HSPD1: variants seen among roughly 807,000 people sequenced by gnomAD.
The protein encoded by HSPD1 is 60 kDa heat shock protein, mitochondrial.
In HSPD1, 3 loss-of-function variants were observed where a neutral mutation model predicts 53.0. That is an observed-to-expected ratio of 0.06 (90% CI 0.03 to 0.15). The LOEUF is 0.15. Ranked by LOEUF, HSPD1 falls within the 10% of genes least tolerant of loss-of-function variation. The probability of loss-of-function intolerance (pLI) is 1.00; values close to 1 mark genes in which losing one functional copy is unlikely to be tolerated. For missense variants in HSPD1, 431 were observed against 694.1 expected (o/e 0.62, Z 4.26); for synonymous variants, 200 against 228.0 (o/e 0.88, Z 1.10).
chr2:197,493,288 G>A (rs376508262), intron 7 of HSPD1, 36 bp downstream of exon 7: 32 of 1,566,318 alleles, frequency 2.0e-5, no homozygotes, highest in African/African-American at 5.4e-5. Context: ...GTCTTTCACC[G>A]AGAAATATAA....
rs181933905 is a variant in HSPD1, at chr2:197,491,335, T to C, written c.870-1039A>G. Among the ~76,000 whole-genome samples, 78 of 152,026 alleles carry C rather than the reference T, an allele frequency of 5.1e-4. 2 individuals carry two copies. In the South Asian group the frequency reaches 8.5e-3, roughly 17 times the overall value. ...GCCACCACGCCCAGCTAATTTTTTGTATTTTTAGTAGAGACGGGGTTTCAC... is the reference window on the plus strand; with the variant it reads ...GCCACCACGCCCAGCTAATTTTTTGCATTTTTAGTAGAGACGGGGTTTCAC... On this transcript the variant is annotated intron_variant, in intron 7 of 11. Transcript: ENST00000388968.
At chr2:197,498,420 C>G (rs2086187942) in intron 2 of HSPD1, among the ~76,000 whole-genome samples, 1 of 152,126 alleles carries the variant, frequency 6.6e-6, no homozygotes, top group Non-Finnish European at 1.5e-5. Context: ...TTTAAGAATC[C>G]ACCTTGAGCT....
At chr2:197,487,317 C>T (rs1257783541) in intron 11 of HSPD1, 119 bp from the exon 12 acceptor site, 3 of 852,876 alleles carry the variant, frequency 3.5e-6, no homozygotes, top group Non-Finnish European at 5.8e-6. Context: ...GAGGCTGAGG[C>T]AGGTAGATGA....
chr2:197,489,410 CTT>C (rs2086064031), intron 8 of HSPD1, among the ~76,000 whole-genome samples, 163 bp from the exon 9 acceptor site: 4 of 152,210 alleles, frequency 2.6e-5, no homozygotes, highest in Non-Finnish European at 5.9e-5. Context: ...AGTATAGTCT[CTT>C]TCACTGCATT....
chr2:197,489,952 A>C (rs1035866961), intron 8 of HSPD1, among the ~76,000 whole-genome samples: 23 of 152,092 alleles, frequency 1.5e-4, no homozygotes, highest in Admixed American at 1.5e-3. Flanking sequence ...ACTGTCTCCA[A>C]AAAAAACAAA....
intron 3 of HSPD1, 102 bp from the exon 4 acceptor site, chr2:197,495,478 TAAA>T: frequency 4.0e-6 from 3 of 758,646 alleles, no homozygotes; most frequent in Non-Finnish European, 6.5e-6. Context: ...TGCCTTAACT[TAAA>T]AAAAAAAATT....
rs773093258 is a variant in HSPD1 at position 197,487,999 on chromosome 2, T to G, written c.1428A>C (p.Ala476=). 6.2e-7 allele frequency: 1 copy of G among 1,612,274 alleles called. No homozygotes were observed. The highest frequency in any genetic ancestry group is 1.7e-4 in the Middle Eastern group (1 of 6,044). ...EIIKRTLKIP[A]MTIAKNAGVE... ...CACCTGCATTCTTAGCAATGGTCAT[T>G]GCTGGAATTTTGAGTGTTCTTTTAA... The change falls in exon 11 of 12, where the codon GCA becomes GCC. Residue 476 remains alanine, a synonymous_variant. Transcript: ENST00000388968.
Position 197,495,046 on chromosome 2 carries a change from A to T in HSPD1, c.510+248T>A, listed in dbSNP as rs1322324312. On this transcript the variant is annotated intron_variant, in intron 4 of 11. Coordinates refer to ENST00000388968, the MANE Select transcript of HSPD1 (RefSeq NM_002156.5). ...TTATGCACCTTTGACAATGGCTAAG[A>T]ACATTTTCACAATCATATGAATCCA... is the stretch of plus-strand genomic sequence containing the variant. 4.8e-5 allele frequency: 29 copies of T among 599,596 alleles called. No homozygotes were observed. The East Asian group carries it at 7.5e-4, about 16-fold the overall frequency. 37.1% of individuals were successfully genotyped at this position (599,596 alleles called of 1,614,324 possible).
Position 197,497,183 on chromosome 2 carries a change from G to A in HSPD1, c.384C>T (p.Phe128=), listed in dbSNP as rs762474761. 1.2e-4 allele frequency: 201 copies of A among 1,613,918 alleles called. No individual in the cohort carries two copies. The Admixed American group carries it at 2.0e-3, about 16-fold the overall frequency. The stretch of plus-strand genomic sequence containing the variant: ...GATTAGCACCTTTGCTAATCTTCTC[G>A]AAGCCTTCCTTGGCTATAGAGCGTG... ...VLARSIAKEG[F]EKISKGANPV... Residue 128 remains phenylalanine, a synonymous_variant, in exon 3 of 12, where the codon TTC becomes TTT. Transcript: ENST00000388968.
At chr2:197,500,108 A>T, upstream of HSPD1, 3 of 425,946 alleles carry the variant, frequency 7.0e-6, no homozygotes, top group Non-Finnish European at 1.3e-5. Context: ...CCTACGGCTC[A>T]AGGGTCAAAT....
intron 3 of HSPD1, among the ~76,000 whole-genome samples, chr2:197,496,089 T>C (rs1333658907): frequency 3.9e-5 from 6 of 152,348 alleles, no homozygotes; most frequent in East Asian, 1.9e-4. Context: ...TCTTAAATGA[T>C]AGGAATCTGT....
chr2:197,490,467 G>C, intron 7 of HSPD1, 171 bp from the exon 8 acceptor site: 1 of 621,876 alleles, frequency 1.6e-6, no homozygotes, highest in Non-Finnish European at 2.9e-6. Flanking sequence ...ATTAAGACAG[G>C]AAGTATCTGA....
chr2:197,498,824 G>A lies in HSPD1; in HGVS notation c.25C>T (p.Arg9Cys). The A allele has an allele frequency of 2.5e-6, 4 of 1,614,186 alleles. No homozygotes were observed. The highest frequency in any genetic ancestry group is 1.3e-5 in the African/African-American group (1 of 75,046). The part of the protein sequence containing the change: MLRLPTVF[R>C]QMRPVSRVLA... ...ACCCTGGACACCGGTCTCATCTGGC[G>A]AAAGACTGTGGGTAACCGAAGCATT... Residue 9 changes from arginine (R) to cysteine (C), a missense_variant, in exon 2 of 12, where the codon CGC becomes TGC. Coordinates refer to ENST00000388968, the MANE Select transcript of HSPD1 (RefSeq NM_002156.5).
rs879486164 is a variant in HSPD1, at chr2:197,487,055, GCCACCTCCCATA to G, written c.1701_1712del (p.Met568_Gly571del). On this transcript the variant is annotated inframe_deletion, in exon 12 of 12. Transcript: ENST00000388968. ...AGCACTAGTCTAGGAGTTAGAACAT[GCCACCTCCCATA>G]CCACCTCCCATTCCACCCATTGCAC... 31 of 1,462,606 alleles carry G rather than the reference GCCACCTCCCATA, an allele frequency of 2.1e-5. No individual in the cohort carries two copies. Among genetic ancestry groups the G allele is most frequent in the Middle Eastern group, 3.5e-4 (2 of 5,676 alleles). The allele number at this position is 1,462,606 out of a possible 1,614,324, so 90.6% of individuals were successfully genotyped here. A position where few individuals can be genotyped will look rare whatever the true frequency, so the allele number is the denominator to read the frequency against.
At chr2:197,489,695 A>G (rs569072455) in intron 8 of HSPD1, among the ~76,000 whole-genome samples, 47 of 152,214 alleles carry the variant, frequency 3.1e-4, no homozygotes, top group Non-Finnish European at 5.1e-4. Flanking sequence ...CGTCATTACT[A>G]AAAGTAAAAA....
rs144973515 is a variant in HSPD1 at position 197,498,786 on chromosome 2, A to G, written c.63T>C (p.His21=). 2.5e-6 allele frequency: 4 copies of G among 1,614,078 alleles called. No individual in the cohort carries two copies. Among genetic ancestry groups the G allele is most frequent in the Non-Finnish European group, 3.4e-6 (4 of 1,180,038 alleles). The stretch of plus-strand genomic sequence containing the variant: ...CATCTTTGGCATAAGCCCGAGTGAG[A>G]TGAGGAGCCAGTACCCTGGACACCG... The part of the protein sequence containing the change: ...MRPVSRVLAP[H]LTRAYAKDVK... The change falls in exon 2 of 12, where the codon CAT becomes CAC. Residue 21 remains histidine, a synonymous_variant. Coordinates refer to ENST00000388968, the MANE Select transcript of HSPD1 (RefSeq NM_002156.5).
At chr2:197,500,102 C>T (rs2086228148), upstream of HSPD1, 3 of 393,832 alleles carry the variant, frequency 7.6e-6, no homozygotes, top group South Asian at 6.5e-5. Flanking sequence ...GCGCTCCCTA[C>T]GGCTCAAGGG....
intron 7 of HSPD1, 111 bp from the exon 8 acceptor site, chr2:197,490,407 G>GA: frequency 1.4e-6 from 1 of 713,338 alleles, no homozygotes; most frequent in Non-Finnish European, 2.2e-6. Context: ...ATCTGGTTTG[G>GA]TTTTTGTGTT....
intron 2 of HSPD1, 141 bp downstream of exon 2, chr2:197,498,534 C>A (rs970482977): frequency 1.3e-6 from 1 of 799,578 alleles, no homozygotes; most frequent in South Asian, 1.6e-5. Context: ...AAAGGCTAAC[C>A]AATACTTCAG....
Sources: allele counts gnomAD v4.1 joint callset (sites outside exome capture counted in the v4.1 genomes callset), GRCh38; gene constraint gnomAD v4.1.1; transcripts MANE v1.5; gene names NCBI Gene and HGNC (gene_info 2026-07-23, HGNC 2026-07-21).